GPR158: variants seen among roughly 807,000 people sequenced by gnomAD.
The protein encoded by GPR158 is metabotropic glycine receptor.
A neutral mutation model predicts 78.2 loss-of-function variants in GPR158; 30 were observed. The ratio of observed to expected loss-of-function variants is 0.38; its 90% CI spans 0.29 to 0.52. The LOEUF (loss-of-function observed/expected upper bound fraction) is 0.52, where lower values mean the gene tolerates loss of function less well. GPR158 is among the 20% of genes least tolerant of loss of function. The pLI is 0.83. For missense variants in GPR158, 1,463 were observed against 1,523.5 expected (o/e 0.96, Z 0.66); for synonymous variants, 581 against 591.1 (o/e 0.98, Z 0.25).
At chr10:25,210,032 A>G (rs1397200302) in intron 1 of GPR158, among the ~76,000 whole-genome samples, 3 of 152,202 alleles carry the variant, frequency 2.0e-5, no homozygotes, top group Non-Finnish European at 4.4e-5. Context: ...AGATGACTTC[A>G]GCTAAAACTT....
chr10:25,197,105 T>C (rs1201460161), intron 1 of GPR158, among the ~76,000 whole-genome samples: 1 of 152,204 alleles, frequency 6.6e-6, no homozygotes, highest in Non-Finnish European at 1.5e-5. Flanking sequence ...TACAGTTGGA[T>C]GTGGAGGGAG....
intron 2 of GPR158, among the ~76,000 whole-genome samples, chr10:25,310,808 G>C (rs1854753207): frequency 6.6e-6 from 1 of 151,868 alleles, no homozygotes; most frequent in South Asian, 2.1e-4. Flanking sequence ...ACCAGTTTAT[G>C]CTAGAATTTA....
Position 25,426,944 on chromosome 10 carries a change from G to A in GPR158, c.1335+14471G>A, listed in dbSNP as rs142718632. 7.2e-4 allele frequency among the ~76,000 whole-genome samples: 109 copies of A among 151,494 alleles called. 1 individual carries two copies. In the East Asian group the frequency reaches 0.018, roughly 25 times the overall value. On this transcript the variant is annotated intron_variant, in intron 4 of 10. Coordinates refer to ENST00000376351, the MANE Select transcript of GPR158 (RefSeq NM_020752.3). ...TTTTACTTACCACAGTTTCAATGATGCAAAGTCCTCTAGATTATTGCCAAT... is the reference window on the plus strand; with the variant it reads ...TTTTACTTACCACAGTTTCAATGATACAAAGTCCTCTAGATTATTGCCAAT...
At chr10:25,369,727 A>G (rs2130546843) in intron 2 of GPR158, among the ~76,000 whole-genome samples, 1 of 151,636 alleles carries the variant, frequency 6.6e-6, no homozygotes, top group East Asian at 1.9e-4. Context: ...TGATTGGAAT[A>G]GTTTCAGAAG....
intron 1 of GPR158, among the ~76,000 whole-genome samples, chr10:25,196,754 C>A (rs1187411345): frequency 6.6e-6 from 1 of 152,194 alleles, no homozygotes; most frequent in Non-Finnish European, 1.5e-5. Flanking sequence ...TCAATCTCTG[C>A]AGAAGAGTTC....
At chr10:25,281,049 C>T (rs1355973768) in intron 2 of GPR158, among the ~76,000 whole-genome samples, 2 of 151,228 alleles carry the variant, frequency 1.3e-5, no homozygotes, top group South Asian at 2.1e-4. Flanking sequence ...GCACAAGAAT[C>T]GCTTGAACCT....
intron 4 of GPR158, among the ~76,000 whole-genome samples, chr10:25,436,015 A>C (rs1428058701): frequency 6.6e-6 from 1 of 152,156 alleles, no homozygotes; most frequent in East Asian, 1.9e-4. Context: ...CTACTTACTA[A>C]ATTAAAAAAA....
intron 2 of GPR158, among the ~76,000 whole-genome samples, chr10:25,268,127 GTATTACATA>G (rs968099991): frequency 1.3e-5 from 2 of 151,928 alleles, no homozygotes; most frequent in Non-Finnish European, 2.9e-5. Context: ...ATACATTTTG[GTATTACATA>G]TGCCAATTTT....
chr10:25,479,770 T>C (rs1178844478), intron 5 of GPR158, among the ~76,000 whole-genome samples: 2 of 152,308 alleles, frequency 1.3e-5, no homozygotes, highest in East Asian at 1.9e-4. Context: ...TTTCAATATA[T>C]AGATTTAAGA....
rs113872524 is a variant in GPR158, at chr10:25,180,866, GA to G, written c.902+4556del. 3.1e-3 allele frequency among the ~76,000 whole-genome samples: 397 copies of G among 129,016 alleles called. 2 individuals are homozygous for G. The highest frequency in any genetic ancestry group is 8.0e-3 in the African/African-American group (288 of 35,818). The allele number at this position is 129,016 out of a possible 152,430, so 84.6% of individuals were successfully genotyped here. On this transcript the variant is annotated intron_variant, in intron 1 of 10. Transcript: ENST00000376351. ...AATGTTAGACCTGGTATTTGGTTAA[GA>G]AAAAAAAAAAAGAAAGAAAAATCAA...
rs913727625 is a variant in GPR158 at position 25,235,954 on chromosome 10, C to A, written c.1008+14797C>A. The stretch of plus-strand genomic sequence containing the variant: ...CTTGTGATCTGCCCGCCTCAGCCCC[C>A]CAAAGTCCTGGGATTACAGGCGTGA... On this transcript the variant is annotated intron_variant, in intron 2 of 10. Transcript: ENST00000376351. 4.6e-5 allele frequency among the ~76,000 whole-genome samples: 7 copies of A among 152,182 alleles called. No homozygotes were observed. In the South Asian group the frequency reaches 8.3e-4, roughly 18 times the overall value.
chr10:25,344,371 A>T (rs1855342726), intron 2 of GPR158, among the ~76,000 whole-genome samples: 1 of 152,010 alleles, frequency 6.6e-6, no homozygotes, highest in East Asian at 1.9e-4. Context: ...TAGCATATAT[A>T]TTACCTCAGC....
intron 2 of GPR158, among the ~76,000 whole-genome samples, chr10:25,369,177 TG>T (rs1833952468): frequency 6.6e-6 from 1 of 151,418 alleles, no homozygotes; most frequent in South Asian, 2.1e-4. Context: ...CCTGCCTAAT[TG>T]CCCTGGCCAG....
chr10:25,478,437 A>G (rs1452843664), intron 5 of GPR158, among the ~76,000 whole-genome samples: 2 of 152,142 alleles, frequency 1.3e-5, no homozygotes, highest in Non-Finnish European at 2.9e-5. Context: ...ACATTTAATT[A>G]TATGAGACAG....
At chr10:25,541,001 T>A (rs190275987) in intron 5 of GPR158, among the ~76,000 whole-genome samples, 165 of 148,834 alleles carry the variant, frequency 1.1e-3, no homozygotes, top group African/African-American at 3.7e-3. Flanking sequence ...AACCTACACC[T>A]ACATGAAATA....
intron 2 of GPR158, among the ~76,000 whole-genome samples, chr10:25,366,428 A>G (rs1855725119): frequency 6.6e-6 from 1 of 151,616 alleles, no homozygotes; most frequent in Admixed American, 6.6e-5. Flanking sequence ...TGGTTCTTTT[A>G]GTTTTTAAAC....
chr10:25,467,427 T>C (rs1835439931), intron 5 of GPR158, among the ~76,000 whole-genome samples: 1 of 152,134 alleles, frequency 6.6e-6, no homozygotes, highest in Non-Finnish European at 1.5e-5. Context: ...CTCTTACAGA[T>C]GAAAATTTGC....
At chr10:25,414,490 G>A (rs909062069) in intron 4 of GPR158, among the ~76,000 whole-genome samples, 1 of 152,204 alleles carries the variant, frequency 6.6e-6, no homozygotes, top group South Asian at 2.1e-4. Context: ...ATAATATAAG[G>A]GGGATATAAG....
At chr10:25,591,616 A>G (rs1244005619) in intron 8 of GPR158, among the ~76,000 whole-genome samples, 1 of 152,132 alleles carries the variant, frequency 6.6e-6, no homozygotes, top group Non-Finnish European at 1.5e-5. Context: ...ATTACTTCTG[A>G]AAAGGGAGAA....
Sources: gnomAD v4.1 joint callset for allele counts (sites outside exome capture counted in the v4.1 genomes callset) on GRCh38, gnomAD v4.1.1 for gene constraint, MANE v1.5 for transcripts, NCBI Gene and HGNC (gene_info 2026-07-23, HGNC 2026-07-21) for gene names.